The following SEMA5A variants were observed in gnomAD, a reference collection of about 807,000 sequenced individuals.
SEMA5A encodes the protein semaphorin-5A.
SEMA5A carries 55 observed loss-of-function variants against 135.5 expected under a neutral mutation model. The ratio of observed to expected loss-of-function variants is 0.41; its 90% CI spans 0.33 to 0.51. The LOEUF (loss-of-function observed/expected upper bound fraction) is 0.51, where lower values mean the gene tolerates loss of function less well. Ranked by LOEUF, SEMA5A falls within the 20% of genes least tolerant of loss-of-function variation. SEMA5A has a pLI of 0.37. For missense variants in SEMA5A, 1,290 were observed against 1,419.9 expected, an observed-to-expected ratio of 0.91 and a Z score of 1.47; for synonymous variants, 580 against 546.5, an observed-to-expected ratio of 1.06 and a Z score of -0.85.
intron 1 of SEMA5A, among the ~76,000 whole-genome samples, chr5:9,490,316 C>T (rs2126798406): frequency 6.6e-6 from 1 of 152,138 alleles, no homozygotes; most frequent in Non-Finnish European, 1.5e-5. Flanking sequence ...CTGACACAAG[C>T]TTTGTTTTGA....
chr5:9,311,508 C>T (rs1273341878), intron 5 of SEMA5A, among the ~76,000 whole-genome samples: 1 of 150,672 alleles, frequency 6.6e-6, no homozygotes, highest in East Asian at 2.0e-4. Context: ...AAAACAAACA[C>T]CACATGTTCT....
chr5:9,171,195 C>T (rs529374469), intron 11 of SEMA5A, among the ~76,000 whole-genome samples: 4 of 152,214 alleles, frequency 2.6e-5, no homozygotes, highest in South Asian at 2.1e-4. Flanking sequence ...TTTTAAAACA[C>T]GCTCTGGGGA....
Position 9,066,631 on chromosome 5 carries a change from T to A in SEMA5A, c.2089A>T (p.Asn697Tyr). 6.2e-7 allele frequency: 1 copy of A among 1,614,098 alleles called. No individual in the cohort carries two copies. ...TTCAGCTCAGGACACGGGTTGGTGT[T>A]GCAAGACTGGTACTCCTGGGGAGAA... ...AGCNVEYQSC[N>Y]TNPCPELKKT... The change falls in exon 17 of 23, where the codon AAC (asparagine) becomes TAC (tyrosine). Residue 697 changes from asparagine (N) to tyrosine (Y), a missense_variant. Transcript: ENST00000382496.
At position 9,204,814 on chromosome 5, in the gene SEMA5A, T is replaced by C. The variant is rs75541571; in HGVS notation, c.647-2574A>G. 6.8e-3 allele frequency among the ~76,000 whole-genome samples: 1,032 copies of C among 152,268 alleles called. 3 individuals are homozygous for C. The highest frequency in any genetic ancestry group is 0.024 in the African/African-American group (996 of 41,548). On this transcript the variant is annotated intron_variant, in intron 8 of 22. Coordinates refer to ENST00000382496, the MANE Select transcript of SEMA5A (RefSeq NM_003966.3). This position sits in a 1 kb window ranked among gnomAD's most constrained non-coding sequence, Gnocchi z 6.4. ...AGGTGAGCAGCAGGCAAATGAATGTTACCTCCTGAGCTCCGCCTCCCGTCA... is the reference window on the plus strand; with the variant it reads ...AGGTGAGCAGCAGGCAAATGAATGTCACCTCCTGAGCTCCGCCTCCCGTCA...
intron 5 of SEMA5A, among the ~76,000 whole-genome samples, chr5:9,286,088 T>G (rs560492328): frequency 2.8e-4 from 43 of 152,150 alleles, no homozygotes; most frequent in Middle Eastern, 3.2e-3. Flanking sequence ...TGAGGCAAAC[T>G]GCACTAAGTG....
At chr5:9,318,271 A>G in intron 5 of SEMA5A, 101 bp downstream of exon 5, 1 of 1,151,510 alleles carries the variant, frequency 8.7e-7, no homozygotes, top group Non-Finnish European at 1.2e-6. Context: ...GCCCCTGCTC[A>G]GGCTGGATTA....
At chr5:9,540,560 G>T (rs969634038) in intron 1 of SEMA5A, among the ~76,000 whole-genome samples, 1 of 152,070 alleles carries the variant, frequency 6.6e-6, no homozygotes, top group Non-Finnish European at 1.5e-5. Flanking sequence ...TCGCGCCACT[G>T]CACCCCAGCC....
intron 13 of SEMA5A, among the ~76,000 whole-genome samples, chr5:9,123,317 A>G (rs902755452): frequency 6.8e-6 from 1 of 146,636 alleles, no homozygotes; most frequent in African/African-American, 2.5e-5. Flanking sequence ...GAGTATTTCA[A>G]CGTAAAGCAG....
rs1442589798 is a variant in SEMA5A at position 9,400,906 on chromosome 5, A to T, written c.-77-20883T>A. Among the ~76,000 whole-genome samples, 4 of 152,172 alleles carry T rather than the reference A, an allele frequency of 2.6e-5. No individual in the cohort carries two copies. The East Asian group carries it at 7.7e-4, about 29-fold the overall frequency. On this transcript the variant is annotated intron_variant, in intron 2 of 22. Transcript: ENST00000382496. The stretch of plus-strand genomic sequence containing the variant: ...ATTTATTATAATTTACATTACCTAG[A>T]ATTATAAATTACTTCATGATTTATA...
intron 3 of SEMA5A, among the ~76,000 whole-genome samples, chr5:9,351,703 C>T (rs1217538096): frequency 6.6e-6 from 1 of 152,192 alleles, no homozygotes; most frequent in African/African-American, 2.4e-5. Context: ...TCAGATCCCA[C>T]ATCATGAGTG....
chr5:9,162,381 CATGTGTGT>C (rs1471260023), intron 11 of SEMA5A, among the ~76,000 whole-genome samples: 2 of 93,360 alleles, frequency 2.1e-5, no homozygotes, highest in Admixed American at 1.0e-4. Flanking sequence ...TTCAAACAAA[CATGTGTGT>C]GTGTGTGTGT....
intron 1 of SEMA5A, among the ~76,000 whole-genome samples, chr5:9,536,503 C>T (rs1304950928): frequency 6.6e-6 from 1 of 151,918 alleles, no homozygotes; most frequent in Non-Finnish European, 1.5e-5. Context: ...TTCCCAGCTA[C>T]TTGGGAGGCT....
chr5:9,410,822 T>G (rs879008660), intron 2 of SEMA5A, among the ~76,000 whole-genome samples: 1 of 148,350 alleles, frequency 6.7e-6, no homozygotes, highest in Non-Finnish European at 1.5e-5. Flanking sequence ...TGTACCCCAC[T>G]TTTTTTAGAA....
At chr5:9,259,486 C>T (rs194159) in intron 5 of SEMA5A, among the ~76,000 whole-genome samples, 96,317 of 146,904 alleles carry the variant, frequency 0.66, 31,691 homozygotes, top group East Asian at 0.73. Flanking sequence ...TGTGGTCAAT[C>T]TTGGAATAGG....
intron 16 of SEMA5A, among the ~76,000 whole-genome samples, chr5:9,100,311 G>T (rs956575656): frequency 1.3e-5 from 2 of 152,140 alleles, no homozygotes; most frequent in South Asian, 2.1e-4. Flanking sequence ...AGCCTCCTGT[G>T]GTCCCAGCTG....
At chr5:9,412,665 T>A (rs1757145932) in intron 2 of SEMA5A, among the ~76,000 whole-genome samples, 1 of 150,206 alleles carries the variant, frequency 6.7e-6, no homozygotes, top group African/African-American at 2.5e-5. Flanking sequence ...AGAACCCAAG[T>A]CTAATCTTGA....
intron 4 of SEMA5A, among the ~76,000 whole-genome samples, chr5:9,328,470 T>C (rs574360353): frequency 1.4e-4 from 21 of 152,264 alleles, no homozygotes; most frequent in Middle Eastern, 3.4e-3. Flanking sequence ...AGCAGAGCAA[T>C]GGGAGCTTGA....
chr5:9,480,641 G>A (rs1759840772), intron 1 of SEMA5A, among the ~76,000 whole-genome samples: 1 of 152,168 alleles, frequency 6.6e-6, no homozygotes, highest in Non-Finnish European at 1.5e-5. Flanking sequence ...GCTGGAGGAT[G>A]TGCAGTTCAA....
chr5:9,218,274 T>A (rs558797650), intron 8 of SEMA5A, among the ~76,000 whole-genome samples: 2 of 152,332 alleles, frequency 1.3e-5, no homozygotes, highest in South Asian at 4.1e-4. Context: ...TTTGTGGTAC[T>A]TTGTTTTAGC....
Sources: allele counts gnomAD v4.1 joint callset (sites outside exome capture counted in the v4.1 genomes callset), GRCh38; gene constraint gnomAD v4.1.1; non-coding constraint Gnocchi (gnomAD v3.1); transcripts MANE v1.5; gene names NCBI Gene and HGNC (gene_info 2026-07-23, HGNC 2026-07-21).